Variants in PLEKHG4B observed in about 807,000 individuals in gnomAD.
PLEKHG4B encodes the protein pleckstrin homology domain-containing family G member 4B.
A neutral mutation model predicts 121.3 loss-of-function variants in PLEKHG4B; 111 were observed. That is an observed-to-expected ratio of 0.92 (90% CI 0.78 to 1.07). The LOEUF (loss-of-function observed/expected upper bound fraction) is 1.07, where lower values mean the gene tolerates loss of function less well. Among genes scored for constraint, PLEKHG4B ranks in the 50% least tolerant of loss-of-function variants. The pLI is 0.00. For synonymous variants in PLEKHG4B, 738 were observed against 725.0 expected (o/e 1.02, Z -0.29); for missense variants, 1,831 against 1,757.8 (o/e 1.04, Z -0.74).
Position 169,714 on chromosome 5 carries a change from C to G in PLEKHG4B, c.3729+122C>G, listed in dbSNP as rs2115276. The G allele has an allele frequency of 0.058, 82,567 of 1,416,002 alleles. 5,522 individuals are homozygous for G. The highest frequency in any genetic ancestry group is 0.34 in the African/African-American group (23,570 of 70,174). The allele number at this position is 1,416,002 out of a possible 1,614,324, so 87.7% of individuals were successfully genotyped here. On this transcript the variant is annotated intron_variant, in intron 14 of 19. Coordinates refer to ENST00000637938, the MANE Select transcript of PLEKHG4B (RefSeq NM_052909.5). The stretch of plus-strand genomic sequence containing the variant: ...AATAGCTTCAGTCCAGGTCTAGGAG[C>G]TGGTCCTGACAGGATGTTAAGACCA...
chr5:109,797 A>G (rs73020526), intron 1 of PLEKHG4B, among the ~76,000 whole-genome samples: 1,584 of 152,330 alleles, frequency 0.01, 25 homozygotes, highest in African/African-American at 0.036. Context: ...AAGTGATTGC[A>G]CAGAGTTCAG....
chr5:173,649 T>C (rs552527503), intron 17 of PLEKHG4B, among the ~76,000 whole-genome samples: 2 of 151,906 alleles, frequency 1.3e-5, no homozygotes, highest in East Asian at 3.9e-4. Flanking sequence ...GACAGTCCTG[T>C]ACAGTCTCCT....
chr5:156,877 G>A lies in PLEKHG4B; in HGVS notation c.2453G>A (p.Arg818Gln), dbSNP rs753598711. ...CGTCTCCAGCAGCTGGAGCACCTCC[G>A]GGAGCTGGCGTCACTCCTGGAAGGG... ...NNRLQQLEHL[R>Q]ELASLLEGND... is the part of the protein sequence containing the mutation. Residue 818 changes from arginine to glutamine, a missense_variant, in exon 11 of 20, where the codon CGG (arginine) becomes CAG (glutamine). Arg to Gln is a conservative substitution (Grantham distance 43). Coordinates refer to ENST00000637938, the MANE Select transcript of PLEKHG4B (RefSeq NM_052909.5). The surrounding 1 kb of genome is among the most constrained non-coding windows in gnomAD (Gnocchi z 4.4). 48 of 1,610,982 alleles carry A rather than the reference G, an allele frequency of 3.0e-5. No homozygotes were observed. Among genetic ancestry groups the A allele is most frequent in the East Asian group, 8.9e-5 (4 of 44,722 alleles).
chr5:181,980 G>T, intron 19 of PLEKHG4B, 24 bp from the exon 20 acceptor site: 1 of 1,605,198 alleles, frequency 6.2e-7, no homozygotes, highest in Non-Finnish European at 8.5e-7. Context: ...AAGCCAGCCT[G>T]ACGTGCTTTC....
Position 182,290 on chromosome 5 carries a change from T to C in PLEKHG4B, c.4851T>C (p.Pro1617=). The change falls in exon 20 of 20, where the codon CCT becomes CCC. Residue 1617 remains proline (P), a synonymous_variant. Transcript: ENST00000637938. Reference sequence around the variant, plus strand: ...AGGCTGCAGTGTGTGAGGGGGCTCCTGCTGTGCTGCTGAGCCGCACACGCC... The same window carrying C: ...AGGCTGCAGTGTGTGAGGGGGCTCCCGCTGTGCTGCTGAGCCGCACACGCC... ...GTQAAVCEGA[P]AVLLSRTRQA The C allele has an allele frequency of 6.2e-7, 1 of 1,611,130 alleles. No homozygotes were observed. The highest frequency in any genetic ancestry group is 8.5e-7 in the Non-Finnish European group (1 of 1,179,372).
At chr5:122,909 T>C (rs1319275796) in intron 2 of PLEKHG4B, among the ~76,000 whole-genome samples, 1 of 152,186 alleles carries the variant, frequency 6.6e-6, no homozygotes, top group East Asian at 1.9e-4. Flanking sequence ...CAGTACCTAA[T>C]AATAGAGTTT....
chr5:165,473 C>T (rs1245862166), intron 13 of PLEKHG4B, among the ~76,000 whole-genome samples: 19 of 27,652 alleles, frequency 6.9e-4, no homozygotes, highest in African/African-American at 1.3e-3. Context: ...AATGCTCTGA[C>T]GGGGCGGAGC....
At position 107,795 on chromosome 5, in the gene PLEKHG4B, G is replaced by T. The variant is rs113082736; in HGVS notation, c.46-5456G>T. Reference sequence around the variant, plus strand: ...AGGAGCTCTGGCTGGACCTCGGTGGGGCTCATCAGAGAGCAGCTAGCATCA... The same window carrying T: ...AGGAGCTCTGGCTGGACCTCGGTGGTGCTCATCAGAGAGCAGCTAGCATCA... On this transcript the variant is annotated intron_variant, in intron 1 of 19. Coordinates refer to ENST00000637938, the MANE Select transcript of PLEKHG4B (RefSeq NM_052909.5). Among the ~76,000 whole-genome samples the T allele has an allele frequency of 4.9e-3, 739 of 152,264 alleles. 9 individuals carry two copies. Among genetic ancestry groups the T allele is most frequent in the African/African-American group, 0.017 (702 of 41,550 alleles).
chr5:140,098 G>T lies in PLEKHG4B; in HGVS notation c.859G>T (p.Asp287Tyr). 1 of 489,028 alleles carries T rather than the reference G, an allele frequency of 2.0e-6. No individual in the cohort carries two copies. Among genetic ancestry groups the T allele is most frequent in the Non-Finnish European group, 3.6e-6 (1 of 281,642 alleles). The allele number at this position is 489,028 out of a possible 1,614,324, so 30.3% of individuals were successfully genotyped here. Residue 287 changes from aspartate (D) to tyrosine (Y), a missense_variant, in exon 3 of 20, where the codon GAC (aspartate) becomes TAC (tyrosine). Asp to Tyr is a radical substitution (Grantham distance 160, BLOSUM62 -3). Coordinates refer to ENST00000637938, the MANE Select transcript of PLEKHG4B (RefSeq NM_052909.5). ...GACCCTGTCTGGAAGCTCAGACAGG[G>T]ACTTCGAAAAGGTCAGCCCCTCAGA... ...PRTLSGSSDRDFEKVSPSEQG... is the reference protein window; with the variant it reads ...PRTLSGSSDRYFEKVSPSEQG...
intron 1 of PLEKHG4B, among the ~76,000 whole-genome samples, chr5:103,060 C>T (rs944383418): frequency 3.9e-5 from 6 of 152,192 alleles, no homozygotes; most frequent in African/African-American, 1.4e-4. Flanking sequence ...TCCCTGGGCC[C>T]GATCCTTCCC....
intron 6 of PLEKHG4B, among the ~76,000 whole-genome samples, chr5:146,508 T>G (rs1735420845): frequency 7.1e-6 from 1 of 140,748 alleles, no homozygotes; most frequent in Non-Finnish European, 1.5e-5. Context: ...TCCTCCCTCC[T>G]GTCCCCACTG....
intron 16 of PLEKHG4B, among the ~76,000 whole-genome samples, chr5:171,659 C>G (rs764533917): frequency 6.6e-6 from 1 of 152,164 alleles, no homozygotes; most frequent in Non-Finnish European, 1.5e-5. Flanking sequence ...CAGCCAGGCT[C>G]GAGGCCCCTG....
chr5:189,946 C>A lies in PLEKHG4B; in HGVS notation c.*7623C>A, dbSNP rs1733744746. ...ATACTGAATTGTTAAAAATTTTAAT[C>A]ATAAAAACCAATGGAACATGTTTTT... On this transcript the variant is annotated 3_prime_UTR_variant, in exon 20 of 20. Coordinates refer to ENST00000637938, the MANE Select transcript of PLEKHG4B (RefSeq NM_052909.5). 1 of 152,278 alleles carries A rather than the reference C, an allele frequency of 6.6e-6. No individual in the cohort carries two copies. The highest frequency in any genetic ancestry group is 2.4e-5 in the African/African-American group (1 of 41,472). 9.4% of individuals were successfully genotyped at this position (152,278 alleles called of 1,614,324 possible). A position where few individuals can be genotyped will look rare whatever the true frequency, so the allele number is the denominator to read the frequency against.
At position 181,676 on chromosome 5, in the gene PLEKHG4B, G is replaced by A. The variant is rs1189522648; in HGVS notation, c.4564+1G>A. The A allele has an allele frequency of 1.2e-6, 2 of 1,611,704 alleles. No homozygotes were observed. Among genetic ancestry groups the A allele is most frequent in the Admixed American group, 1.7e-5 (1 of 59,962 alleles). ...CCCGACAGCATCGTCAAGGGCACAGGTACGGTGGCTCGGTCCCGCCCTCAC... is the reference window on the plus strand; with the variant it reads ...CCCGACAGCATCGTCAAGGGCACAGATACGGTGGCTCGGTCCCGCCCTCAC... On this transcript the variant is annotated splice_donor_variant, in intron 19 of 19. Transcript: ENST00000637938. LOFTEE classifies it high-confidence loss of function.
chr5:174,116 G>A lies in PLEKHG4B; in HGVS notation c.4402+18G>A, dbSNP rs199848381. 16 of 1,541,930 alleles carry A rather than the reference G, an allele frequency of 1.0e-5. No individual in the cohort carries two copies. Among genetic ancestry groups the A allele is most frequent in the East Asian group, 9.6e-5 (4 of 41,798 alleles). ...GAGCAGAGGTGGGAAGATGGGGGCC[G>A]CAGGGCCTGCCAGGCTCAGGGGCAC... On this transcript the variant is annotated intron_variant, in intron 18 of 19. Coordinates refer to ENST00000637938, the MANE Select transcript of PLEKHG4B (RefSeq NM_052909.5).
chr5:116,123 C>T (rs1208146770), intron 2 of PLEKHG4B, among the ~76,000 whole-genome samples: 5 of 152,104 alleles, frequency 3.3e-5, no homozygotes, highest in South Asian at 2.1e-4. Flanking sequence ...TTGACTTGAA[C>T]GCTTAGATGC....
intron 13 of PLEKHG4B, among the ~76,000 whole-genome samples, chr5:164,672 A>C (rs72720461): frequency 1.1e-4 from 9 of 78,430 alleles, no homozygotes; most frequent in East Asian, 7.2e-4. Context: ...TCACACTAAT[A>C]CTCTGACAGG....
chr5:163,263 C>T lies in PLEKHG4B; in HGVS notation c.3191C>T (p.Thr1064Ile), dbSNP rs772814200. 3 of 1,612,600 alleles carry T rather than the reference C, an allele frequency of 1.9e-6. No homozygotes were observed. The highest frequency in any genetic ancestry group is 2.5e-6 in the Non-Finnish European group (3 of 1,179,740). ...EDSSACSSEP[T>I]QTLASRPRKH... is the part of the protein sequence containing the mutation. ...AGCTCTGCCTGTTCCTCTGAGCCCACCCAGACCCTGGCCAGCCGCCCCAGG... is the reference window on the plus strand; with the variant it reads ...AGCTCTGCCTGTTCCTCTGAGCCCATCCAGACCCTGGCCAGCCGCCCCAGG... The change falls in exon 13 of 20, where the codon ACC (threonine) becomes ATC (isoleucine). Residue 1064 changes from threonine to isoleucine, a missense_variant. By Grantham distance (89) the Thr-to-Ile change is moderately conservative (BLOSUM62 -1). Coordinates refer to ENST00000637938, the MANE Select transcript of PLEKHG4B (RefSeq NM_052909.5).
intron 1 of PLEKHG4B, among the ~76,000 whole-genome samples, chr5:104,192 C>G (rs986763357): frequency 1.4e-5 from 2 of 147,674 alleles, no homozygotes; most frequent in Admixed American, 6.8e-5. Context: ...GATTCCTAAA[C>G]AACCTCAGCC....
Sources: allele counts gnomAD v4.1 joint callset (sites outside exome capture counted in the v4.1 genomes callset), GRCh38; gene constraint gnomAD v4.1.1; non-coding constraint Gnocchi (gnomAD v3.1); transcripts MANE v1.5; gene names NCBI Gene and HGNC (gene_info 2026-07-23, HGNC 2026-07-21).